UBASH3B: variants seen among roughly 807,000 people sequenced by gnomAD.
The protein encoded by UBASH3B is ubiquitin associated and SH3 domain containing B.
In UBASH3B, 37 loss-of-function variants were observed where a neutral mutation model predicts 83.4. The ratio of observed to expected loss-of-function variants is 0.44; its 90% CI spans 0.34 to 0.58. The LOEUF is 0.58. Among genes scored for constraint, UBASH3B ranks in the 20% least tolerant of loss-of-function variants. The probability of loss-of-function intolerance (pLI) is 0.01; values close to 1 mark genes in which losing one functional copy is unlikely to be tolerated. For missense variants in UBASH3B, 657 were observed against 827.2 expected, an observed-to-expected ratio of 0.79 and a Z score of 2.52; for synonymous variants, 304 against 318.3, an observed-to-expected ratio of 0.96 and a Z score of 0.48.
At position 122,810,376 on chromosome 11, in the gene UBASH3B, T is replaced by C. The variant is rs115783348; in HGVS notation, c.*490T>C. On this transcript the variant is annotated 3_prime_UTR_variant, in exon 14 of 14. Transcript: ENST00000284273. ...ATCCTTTTAAGATTATTAGAAAACA[T>C]GCCCTGAAGAGAGTTGTTCTTAGGT... 1,322 of 153,660 alleles carry C rather than the reference T, an allele frequency of 8.6e-3. 16 individuals are homozygous for C. Among genetic ancestry groups the C allele is most frequent in the African/African-American group, 0.029 (1,215 of 41,498 alleles). The allele number at this position is 153,660 out of a possible 1,614,324, so 9.5% of individuals were successfully genotyped here.
At chr11:122,744,140 C>T (rs149840846) in intron 1 of UBASH3B, among the ~76,000 whole-genome samples, 3 of 152,314 alleles carry the variant, frequency 2.0e-5, no homozygotes, top group Admixed American at 2.0e-4. Flanking sequence ...ACCAGCACCT[C>T]CCCTTCCCAC....
chr11:122,725,728 C>T (rs1020500040), intron 1 of UBASH3B, among the ~76,000 whole-genome samples: 3 of 152,160 alleles, frequency 2.0e-5, no homozygotes, highest in Admixed American at 6.5e-5. Context: ...GAGTCTCACC[C>T]TGTCGCCCAG....
intron 1 of UBASH3B, among the ~76,000 whole-genome samples, chr11:122,723,604 C>T (rs930185200): frequency 2.2e-4 from 33 of 152,166 alleles, no homozygotes; most frequent in African/African-American, 7.7e-4. Flanking sequence ...AGTATCCATC[C>T]TTGTCAGTTA....
chr11:122,768,466 A>AGGTGTG (rs745861229), intron 1 of UBASH3B, among the ~76,000 whole-genome samples: 1 of 128,982 alleles, frequency 7.8e-6, no homozygotes, highest in Admixed American at 7.9e-5. Context: ...AGAGATATAT[A>AGGTGTG]TGTATGTGTG....
chr11:122,673,106 G>C (rs985072360), intron 1 of UBASH3B, among the ~76,000 whole-genome samples: 1 of 152,176 alleles, frequency 6.6e-6, no homozygotes, highest in Non-Finnish European at 1.5e-5. Context: ...CTCTGGGCAC[G>C]TGACAGTGAG....
intron 1 of UBASH3B, among the ~76,000 whole-genome samples, chr11:122,695,652 T>C (rs1205279355): frequency 6.6e-6 from 1 of 152,222 alleles, no homozygotes; most frequent in Non-Finnish European, 1.5e-5. Flanking sequence ...CACATCGTGT[T>C]TTATGCATTG....
intron 1 of UBASH3B, among the ~76,000 whole-genome samples, chr11:122,760,830 G>A (rs987907007): frequency 2.0e-5 from 3 of 152,184 alleles, no homozygotes; most frequent in Non-Finnish European, 4.4e-5. Context: ...GATGCCTTAC[G>A]TTGAATCCTG....
chr11:122,791,968 A>G (rs1266744364), intron 6 of UBASH3B, among the ~76,000 whole-genome samples: 1 of 152,164 alleles, frequency 6.6e-6, no homozygotes, highest in Non-Finnish European at 1.5e-5. Flanking sequence ...GGGAGAAGCC[A>G]GCTCTCCCGA....
At chr11:122,726,627 C>T (rs1001840140) in intron 1 of UBASH3B, among the ~76,000 whole-genome samples, 5 of 152,150 alleles carry the variant, frequency 3.3e-5, no homozygotes, top group Admixed American at 6.5e-5. Context: ...TGGCATGAGC[C>T]ACTGTGCCCA....
intron 13 of UBASH3B, among the ~76,000 whole-genome samples, chr11:122,808,961 A>G: frequency 7.2e-6 from 1 of 138,784 alleles, no homozygotes; most frequent in East Asian, 2.0e-4. Flanking sequence ...TGAATGTTGC[A>G]GAGACTCGTA....
At chr11:122,671,640 G>T (rs1244643084) in intron 1 of UBASH3B, among the ~76,000 whole-genome samples, 2 of 152,230 alleles carry the variant, frequency 1.3e-5, no homozygotes, top group African/African-American at 2.4e-5. Flanking sequence ...GCCTTGGCAG[G>T]GAGGCCACAA....
At position 122,813,721 on chromosome 11, in the gene UBASH3B, A is replaced by G. The variant is rs530139110; in HGVS notation, c.*3835A>G. ...ATCTATTTAGGTTAATGTTCACTTTACAAAGGTGATGGGGGATATTTTGTT... is the reference window on the plus strand; with the variant it reads ...ATCTATTTAGGTTAATGTTCACTTTGCAAAGGTGATGGGGGATATTTTGTT... On this transcript the variant is annotated 3_prime_UTR_variant, in exon 14 of 14. Coordinates refer to ENST00000284273, the MANE Select transcript of UBASH3B (RefSeq NM_032873.5). 2 of 152,318 alleles carry G rather than the reference A, an allele frequency of 1.3e-5. No individual in the cohort carries two copies. Among genetic ancestry groups the G allele is most frequent in the South Asian group, 4.1e-4 (2 of 4,830 alleles). The allele number at this position is 152,318 out of a possible 1,614,324, so 9.4% of individuals were successfully genotyped here.
At chr11:122,789,911 C>T (rs573419034) in intron 6 of UBASH3B, among the ~76,000 whole-genome samples, 4 of 152,306 alleles carry the variant, frequency 2.6e-5, no homozygotes, top group East Asian at 1.9e-4. Flanking sequence ...ACTTTCCACC[C>T]GTCCCTCATT....
In UBASH3B at chr11:122,779,639, C is replaced by T. The variant is rs1156947682; in HGVS notation, c.545C>T (p.Ala182Val). 3.7e-6 allele frequency: 6 copies of T among 1,614,048 alleles called. No homozygotes were observed. Among genetic ancestry groups the T allele is most frequent in the South Asian group, 1.1e-5 (1 of 91,074 alleles). ...FIGLFVKEDS[A>V]EVLKKFAADF... ...GGCCTCTTTGTAAAGGAAGACAGTG[C>T]GGAGGTCCTCAAGAAGTTTGCTGCT... Residue 182 changes from alanine (A) to valine (V), a missense_variant, in exon 4 of 14, where the codon GCG becomes GTG. Ala to Val is a moderately conservative substitution (Grantham distance 64). Transcript: ENST00000284273.
intron 1 of UBASH3B, among the ~76,000 whole-genome samples, chr11:122,659,496 T>C (rs1029490758): frequency 6.6e-6 from 1 of 152,150 alleles, no homozygotes; most frequent in African/African-American, 2.4e-5. Flanking sequence ...GTGGTCGGCC[T>C]TCCCCCCAGT....
chr11:122,729,191 C>G (rs946577633), intron 1 of UBASH3B, among the ~76,000 whole-genome samples: 1 of 152,140 alleles, frequency 6.6e-6, no homozygotes, highest in African/African-American at 2.4e-5. Context: ...GGAGTGAGTA[C>G]TCCAACGCCA....
chr11:122,683,764 T>TGTGTGTGTGC (rs1555134307), intron 1 of UBASH3B, among the ~76,000 whole-genome samples: 8 of 83,034 alleles, frequency 9.6e-5, no homozygotes, highest in Non-Finnish European at 2.3e-4. Flanking sequence ...TGTGTGTGTG[T>TGTGTGTGTGC]GTGTGTGTGT....
At chr11:122,703,846 A>G (rs1864080623) in intron 1 of UBASH3B, among the ~76,000 whole-genome samples, 1 of 152,206 alleles carries the variant, frequency 6.6e-6, no homozygotes, top group Non-Finnish European at 1.5e-5. Flanking sequence ...AGGGTAGAAG[A>G]GAGACAGGTG....
At chr11:122,803,753 C>A (rs1479259001) in intron 11 of UBASH3B, among the ~76,000 whole-genome samples, 2 of 152,108 alleles carry the variant, frequency 1.3e-5, no homozygotes, top group African/African-American at 4.8e-5. Flanking sequence ...TGCTTACAAC[C>A]TGGACCACAG....
Sources: gnomAD v4.1 joint callset for allele counts (sites outside exome capture counted in the v4.1 genomes callset) on GRCh38, gnomAD v4.1.1 for gene constraint, MANE v1.5 for transcripts, NCBI Gene and HGNC (gene_info 2026-07-23, HGNC 2026-07-21) for gene names.